CNTN5: variants seen among roughly 807,000 people sequenced by gnomAD.
The protein encoded by CNTN5 is contactin-5.
CNTN5 carries 77 observed loss-of-function variants against 129.1 expected under a neutral mutation model. That is an observed-to-expected ratio of 0.60 (90% CI 0.50 to 0.72). The LOEUF is 0.72. Among genes scored for constraint, CNTN5 ranks in the 30% least tolerant of loss-of-function variants. CNTN5 has a pLI of 0.00. For synonymous variants in CNTN5, 509 were observed against 465.6 expected (o/e 1.09, Z -1.20); for missense variants, 1,478 against 1,328.8 (o/e 1.11, Z -1.75).
chr11:99,421,731 G>C (rs1443566933), intron 2 of CNTN5, among the ~76,000 whole-genome samples: 1 of 152,058 alleles, frequency 6.6e-6, no homozygotes, highest in African/African-American at 2.4e-5. Context: ...GTCCAGTTAA[G>C]TTAGATCAGA....
intron 6 of CNTN5, among the ~76,000 whole-genome samples, chr11:99,892,477 T>G (rs10894091): frequency 0.13 from 20,312 of 152,238 alleles, 1,729 homozygotes; most frequent in Non-Finnish European, 0.19. Context: ...ATTTAAGTCT[T>G]TAATCCATCG....
At chr11:99,536,889 C>T (rs973162633) in intron 2 of CNTN5, among the ~76,000 whole-genome samples, 4 of 147,638 alleles carry the variant, frequency 2.7e-5, no homozygotes, top group Admixed American at 6.8e-5. Flanking sequence ...ACAATTAAAA[C>T]GTAATAAATT....
chr11:99,865,464 C>T (rs551973471), intron 6 of CNTN5, among the ~76,000 whole-genome samples: 153 of 150,010 alleles, frequency 1.0e-3, no homozygotes, highest in African/African-American at 3.6e-3. Context: ...TTTATTTTAC[C>T]AGGAAAAAAT....
At chr11:99,433,068 G>A (rs1277254486) in intron 2 of CNTN5, among the ~76,000 whole-genome samples, 5 of 145,076 alleles carry the variant, frequency 3.4e-5, no homozygotes, top group Admixed American at 2.0e-4. Context: ...AACCTTCAAA[G>A]CTGGAACTTT....
chr11:99,829,561 G>A (rs1038937992), intron 4 of CNTN5, among the ~76,000 whole-genome samples: 4 of 152,142 alleles, frequency 2.6e-5, no homozygotes, highest in Admixed American at 6.6e-5. Context: ...GCTCATTGGC[G>A]TTGAGCAACC....
intron 3 of CNTN5, among the ~76,000 whole-genome samples, chr11:99,782,111 T>C (rs1460964647): frequency 6.6e-6 from 1 of 151,312 alleles, no homozygotes; most frequent in African/African-American, 2.4e-5. Flanking sequence ...CTTAAGCTGA[T>C]AAGCAACTTC....
chr11:100,065,055 A>G (rs1255441374), intron 10 of CNTN5, among the ~76,000 whole-genome samples: 1 of 152,084 alleles, frequency 6.6e-6, no homozygotes, highest in Non-Finnish European at 1.5e-5. Context: ...GACAGTTTAT[A>G]TTTACTATTT....
chr11:100,207,635 A>G (rs1948944575), intron 15 of CNTN5, among the ~76,000 whole-genome samples: 2 of 152,152 alleles, frequency 1.3e-5, no homozygotes, highest in African/African-American at 4.8e-5. Flanking sequence ...AAATATAGTG[A>G]TAGTATTTCC....
At chr11:100,285,337 T>C (rs1950753311) in intron 18 of CNTN5, among the ~76,000 whole-genome samples, 1 of 152,116 alleles carries the variant, frequency 6.6e-6, no homozygotes, top group Non-Finnish European at 1.5e-5. Context: ...GTGAGAAGTC[T>C]CCACTGCAGA....
chr11:99,053,416 T>C (rs1864504187), intron 1 of CNTN5, among the ~76,000 whole-genome samples: 1 of 151,962 alleles, frequency 6.6e-6, no homozygotes, highest in Non-Finnish European at 1.5e-5. Flanking sequence ...TTAAGTCATC[T>C]TCTGGATCTT....
At position 99,281,208 on chromosome 11, in the gene CNTN5, C is replaced by T. The variant is rs1353440148; in HGVS notation, c.-209-44138C>T. ...AGCAAAGAGAGGGGAATAGAATGAT[C>T]AGAGTTTTTATTTAATATGTTTGTG... On this transcript the variant is annotated intron_variant, in intron 1 of 24. Coordinates refer to ENST00000524871, the MANE Select transcript of CNTN5 (RefSeq NM_014361.4). Among the ~76,000 whole-genome samples the T allele has an allele frequency of 3.3e-5, 5 of 151,838 alleles. No individual in the cohort carries two copies. In the East Asian group the frequency reaches 5.8e-4, roughly 18 times the overall value.
chr11:100,050,286 A>T (rs973964199), intron 9 of CNTN5, among the ~76,000 whole-genome samples: 8 of 152,146 alleles, frequency 5.3e-5, no homozygotes, highest in Non-Finnish European at 1.0e-4. Flanking sequence ...CATGGAATAC[A>T]GTGCAGCCAT....
intron 6 of CNTN5, among the ~76,000 whole-genome samples, chr11:99,863,204 C>G (rs7110135): frequency 0.37 from 55,966 of 151,822 alleles, 11,115 homozygotes; most frequent in East Asian, 0.77. Context: ...TTCCGTCAAA[C>G]TGGAGCCCAA....
At chr11:99,793,065 A>G (rs571017559) in intron 3 of CNTN5, among the ~76,000 whole-genome samples, 30 of 142,714 alleles carry the variant, frequency 2.1e-4, no homozygotes, top group African/African-American at 7.2e-4. Context: ...TATCTTATTA[A>G]TTTTTTTTTT....
At chr11:99,333,708 A>C (rs1866097372) in intron 2 of CNTN5, among the ~76,000 whole-genome samples, 1 of 152,054 alleles carries the variant, frequency 6.6e-6, no homozygotes, top group Admixed American at 6.6e-5. Flanking sequence ...TCACTATAGG[A>C]AATCATATTC....
chr11:99,846,357 C>CAAAAAAAAA (rs35705639), intron 6 of CNTN5, among the ~76,000 whole-genome samples: 1 of 61,424 alleles, frequency 1.6e-5, no homozygotes, highest in Non-Finnish European at 2.9e-5. Context: ...GGATCTGTCT[C>CAAAAAAAAA]AAAAAAAAAA....
chr11:99,078,148 C>T (rs1865651605), intron 1 of CNTN5, among the ~76,000 whole-genome samples: 1 of 151,986 alleles, frequency 6.6e-6, no homozygotes, highest in Non-Finnish European at 1.5e-5. Flanking sequence ...ATTTCTATTT[C>T]CTTGTTCATA....
At chr11:100,033,986 A>T (rs1048865119) in intron 9 of CNTN5, among the ~76,000 whole-genome samples, 2 of 152,190 alleles carry the variant, frequency 1.3e-5, no homozygotes. Flanking sequence ...AGACATTTCT[A>T]TCTCTAATGC....
chr11:99,338,969 TTG>T (rs201548132), intron 2 of CNTN5, among the ~76,000 whole-genome samples: 6 of 86,430 alleles, frequency 6.9e-5, no homozygotes, highest in Non-Finnish European at 1.3e-4. Context: ...ATGTGTGTGT[TTG>T]TGTGTGTGTG....
Sources: allele counts gnomAD v4.1 joint callset (sites outside exome capture counted in the v4.1 genomes callset), GRCh38; gene constraint gnomAD v4.1.1; transcripts MANE v1.5; gene names NCBI Gene and HGNC (gene_info 2026-07-23, HGNC 2026-07-21).